Variants in SNX4 observed in about 807,000 individuals in gnomAD.
SNX4 encodes sorting nexin-4.
In SNX4, 49 loss-of-function variants were observed where a neutral mutation model predicts 70.8. The observed-to-expected ratio is 0.69, with a 90% CI of 0.55 to 0.88. The LOEUF is 0.88. SNX4 is among the 40% of genes least tolerant of loss of function. SNX4 has a pLI of 0.00. For missense variants in SNX4, 528 were observed against 544.8 expected (o/e 0.97, Z 0.31); for synonymous variants, 206 against 183.8 (o/e 1.12, Z -0.98).
chr3:125,452,540 C>G (rs1307918488), intron 12 of SNX4, among the ~76,000 whole-genome samples: 1 of 152,118 alleles, frequency 6.6e-6, no homozygotes, highest in Admixed American at 6.6e-5. Flanking sequence ...AACAATGGCA[C>G]CACTGCACTC....
At chr3:125,464,996 T>C (rs1310167160) in intron 9 of SNX4, among the ~76,000 whole-genome samples, 1 of 151,884 alleles carries the variant, frequency 6.6e-6, no homozygotes, top group Non-Finnish European at 1.5e-5. Context: ...CCACCCACCT[T>C]GGCCTCCCAA....
At chr3:125,459,555 G>A (rs1161829193) in intron 10 of SNX4, among the ~76,000 whole-genome samples, 4 of 152,074 alleles carry the variant, frequency 2.6e-5, no homozygotes, top group Admixed American at 6.5e-5. Flanking sequence ...TTCTGCCTCA[G>A]CCTCTCCAGC....
chr3:125,506,463 C>T (rs1935045134), intron 1 of SNX4, among the ~76,000 whole-genome samples: 1 of 151,466 alleles, frequency 6.6e-6, no homozygotes, highest in Non-Finnish European at 1.5e-5. Flanking sequence ...GCTTCAGCCT[C>T]CTGAGTAGCC....
chr3:125,499,432 T>C (rs568256657), intron 2 of SNX4, among the ~76,000 whole-genome samples: 2 of 152,190 alleles, frequency 1.3e-5, no homozygotes, highest in Non-Finnish European at 2.9e-5. Flanking sequence ...CTCATTTTTA[T>C]CATTTTTTAA....
intron 2 of SNX4, among the ~76,000 whole-genome samples, chr3:125,502,605 T>G (rs1934953741): frequency 6.6e-6 from 1 of 151,918 alleles, no homozygotes; most frequent in African/African-American, 2.4e-5. Flanking sequence ...ATGCGGTGGC[T>G]CGTGCCTGTA....
At chr3:125,459,303 A>C (rs778870975) in intron 10 of SNX4, among the ~76,000 whole-genome samples, 1 of 152,216 alleles carries the variant, frequency 6.6e-6, no homozygotes, top group Non-Finnish European at 1.5e-5. Context: ...AGGCATTGAC[A>C]AATACCATAT....
At chr3:125,480,577 T>C (rs1316427160) in intron 6 of SNX4, among the ~76,000 whole-genome samples, 2 of 152,172 alleles carry the variant, frequency 1.3e-5, no homozygotes, top group African/African-American at 4.8e-5. Flanking sequence ...AATCTGTTGG[T>C]ATGAAAAACT....
rs114818158 is a variant in SNX4, at chr3:125,514,446, C to T, written c.141+5586G>A. ...TCGCTCTATTGCATAGGGTGGAGTG[C>T]AGTGGCATGATCACAGCTCACTGCA... On this transcript the variant is annotated intron_variant, in intron 1 of 13. Transcript: ENST00000251775. Among the ~76,000 whole-genome samples the T allele has an allele frequency of 2.6e-3, 374 of 143,210 alleles. 3 individuals carry two copies. The highest frequency in any genetic ancestry group is 9.5e-3 in the African/African-American group (361 of 38,080). The allele number at this position is 143,210 out of a possible 152,430, so 94.0% of individuals were successfully genotyped here. A position where few individuals can be genotyped will look rare whatever the true frequency, so the allele number is the denominator to read the frequency against.
chr3:125,454,715 C>T (rs906120529), intron 11 of SNX4, among the ~76,000 whole-genome samples: 16 of 152,186 alleles, frequency 1.1e-4, no homozygotes, highest in Non-Finnish European at 1.9e-4. Flanking sequence ...CAAGATGGTA[C>T]ATTTTATGTT....
intron 8 of SNX4, among the ~76,000 whole-genome samples, chr3:125,471,858 A>G (rs995650131): frequency 6.6e-6 from 1 of 152,176 alleles, no homozygotes; most frequent in Non-Finnish European, 1.5e-5. Flanking sequence ...GCCCTTTTTT[A>G]GGCTTATCCT....
chr3:125,511,864 T>G (rs1935180825), intron 1 of SNX4, among the ~76,000 whole-genome samples: 1 of 152,076 alleles, frequency 6.6e-6, no homozygotes, highest in African/African-American at 2.4e-5. Flanking sequence ...CTATAAGGTC[T>G]GAAAGAGGTC....
At chr3:125,490,570 C>G (rs970258448) in intron 5 of SNX4, among the ~76,000 whole-genome samples, 1 of 149,652 alleles carries the variant, frequency 6.7e-6, no homozygotes, top group African/African-American at 2.5e-5. Context: ...AAGTAACACT[C>G]TACTAAATAA....
At chr3:125,481,994 A>C (rs1271612621) in intron 6 of SNX4, among the ~76,000 whole-genome samples, 2 of 151,972 alleles carry the variant, frequency 1.3e-5, no homozygotes, top group South Asian at 2.1e-4. Flanking sequence ...TCAGCCTCCC[A>C]AACAGCTGAG....
chr3:125,498,061 G>A lies in SNX4; in HGVS notation c.397C>T (p.Arg133Trp), dbSNP rs753268593. 36 of 1,613,890 alleles carry A rather than the reference G, an allele frequency of 2.2e-5. No homozygotes were observed. Among genetic ancestry groups the A allele is most frequent in the Middle Eastern group, 1.6e-4 (1 of 6,084 alleles). The change falls in exon 3 of 14, where the codon CGG (arginine) becomes TGG (tryptophan). Residue 133 changes from arginine (R) to tryptophan (W), a missense_variant and splice_region_variant. Physicochemically the swap from Arg to Trp is moderately radical, Grantham distance 101. This residue lies in a region of SNX4 where 341 missense variants were observed against 312.2 expected (regional missense o/e 1.09). Transcript: ENST00000251775. ...ACTACTGCCATTTCACTTCTTACCC[G>A]TTTTTCTGGCAGAGGTGGCACAACA... ...HIVVPPLPEK[R>W]AEFVWHKLSA...
At position 125,494,728 on chromosome 3, in the gene SNX4, C is replaced by T. The variant is rs545925976; in HGVS notation, c.597+2613G>A. Reference sequence around the variant, plus strand: ...CCCATCAACTGAGTTACATGCAGTCCGCTGACCACATACTGAATTAAGAGT... The same window carrying T: ...CCCATCAACTGAGTTACATGCAGTCTGCTGACCACATACTGAATTAAGAGT... On this transcript the variant is annotated intron_variant, in intron 5 of 13. Coordinates refer to ENST00000251775, the MANE Select transcript of SNX4 (RefSeq NM_003794.4). Among the ~76,000 whole-genome samples, 145 of 152,232 alleles carry T rather than the reference C, an allele frequency of 9.5e-4. 1 individual carries two copies. Among genetic ancestry groups the T allele is most frequent in the South Asian group, 4.8e-3 (23 of 4,828 alleles).
chr3:125,485,005 T>A (rs1361217779), intron 6 of SNX4, among the ~76,000 whole-genome samples: 1 of 151,688 alleles, frequency 6.6e-6, no homozygotes, highest in African/African-American at 2.4e-5. Context: ...AGGCGGAGGT[T>A]GCAGTGAGCC....
intron 1 of SNX4, among the ~76,000 whole-genome samples, chr3:125,510,391 G>A (rs755320277): frequency 2.0e-5 from 3 of 151,492 alleles, no homozygotes; most frequent in African/African-American, 4.8e-5. Flanking sequence ...CCACACGCCC[G>A]GCTATTTTTT....
intron 8 of SNX4, among the ~76,000 whole-genome samples, chr3:125,471,088 T>C (rs1288775772): frequency 6.6e-6 from 1 of 152,134 alleles, no homozygotes; most frequent in Non-Finnish European, 1.5e-5. Flanking sequence ...CTCACGCCTA[T>C]AATCCCAGCA....
intron 11 of SNX4, among the ~76,000 whole-genome samples, chr3:125,456,424 G>A (rs1231874679): frequency 6.6e-6 from 1 of 152,150 alleles, no homozygotes; most frequent in African/African-American, 2.4e-5. Context: ...ACTTTGGGAG[G>A]CGGAGGTGGG....
Sources: allele counts gnomAD v4.1 joint callset (sites outside exome capture counted in the v4.1 genomes callset), GRCh38; gene constraint gnomAD v4.1.1; regional missense constraint gnomAD v4.1.1; transcripts MANE v1.5; gene names NCBI Gene and HGNC (gene_info 2026-07-23, HGNC 2026-07-21).